PRKN: variants seen among roughly 807,000 people sequenced by gnomAD.
PRKN encodes the protein E3 ubiquitin-protein ligase parkin.
Under a neutral mutation model 59.5 loss-of-function variants are expected in PRKN, and 56 were observed. The observed-to-expected ratio is 0.94, with a 90% confidence interval of 0.76 to 1.18. The LOEUF (loss-of-function observed/expected upper bound fraction) is 1.18. PRKN is among the 50% of genes most tolerant of loss of function. The pLI is 0.00. For synonymous variants in PRKN, 250 were observed against 222.1 expected (o/e 1.13, Z -1.12); for missense variants, 657 against 596.4 (o/e 1.10, Z -1.06).
intron 6 of PRKN, among the ~76,000 whole-genome samples, chr6:161,939,347 G>A (rs544302062): frequency 2.7e-5 from 4 of 150,334 alleles, no homozygotes; most frequent in East Asian, 3.9e-4. Context: ...GAGCCTGGGC[G>A]GTGGAGGTTG....
intron 9 of PRKN, among the ~76,000 whole-genome samples, chr6:161,403,378 GA>G (rs1355181077): frequency 6.6e-6 from 1 of 152,102 alleles, no homozygotes; most frequent in Non-Finnish European, 1.5e-5. Context: ...CTTATTCTTT[GA>G]AATCCCATCT....
At chr6:162,109,526 T>C (rs1780333867) in intron 4 of PRKN, among the ~76,000 whole-genome samples, 1 of 152,188 alleles carries the variant, frequency 6.6e-6, no homozygotes, top group Non-Finnish European at 1.5e-5. Context: ...CTTCGGACCC[T>C]GACCAAGGAA....
In PRKN at chr6:161,423,690, A is replaced by T. The variant is rs1583048553; in HGVS notation, c.1084-36813T>A. Among the ~76,000 whole-genome samples, 2 of 152,136 alleles carry T rather than the reference A, an allele frequency of 1.3e-5. No individual in the cohort carries two copies. Among genetic ancestry groups the T allele is most frequent in the African/African-American group, 4.8e-5 (2 of 41,426 alleles). ...ACTCTAGCTACAGCAGGGCCTTACCATGGCTCATTGTCCCACCAGTCCCTT... is the reference window on the plus strand; with the variant it reads ...ACTCTAGCTACAGCAGGGCCTTACCTTGGCTCATTGTCCCACCAGTCCCTT... On this transcript the variant is annotated intron_variant, in intron 9 of 11. Coordinates refer to ENST00000366898, the MANE Select transcript of PRKN (RefSeq NM_004562.3). The surrounding 1 kb of genome is among the most constrained non-coding windows in gnomAD (Gnocchi z 5.9).
At chr6:162,490,530 T>C (rs1223418768) in intron 1 of PRKN, among the ~76,000 whole-genome samples, 2 of 152,198 alleles carry the variant, frequency 1.3e-5, no homozygotes, top group African/African-American at 2.4e-5. Context: ...TTTTTTCCCA[T>C]AGTTTCCTGT....
At chr6:162,680,288 A>G (rs555613541) in intron 1 of PRKN, among the ~76,000 whole-genome samples, 17 of 150,968 alleles carry the variant, frequency 1.1e-4, no homozygotes, top group African/African-American at 3.6e-4. Flanking sequence ...TTAATTAAGC[A>G]TATATACTTA....
intron 6 of PRKN, among the ~76,000 whole-genome samples, chr6:161,904,606 C>A (rs1246996550): frequency 6.6e-6 from 1 of 152,174 alleles, no homozygotes; most frequent in African/African-American, 2.4e-5. Context: ...TAAGCCACTG[C>A]ACCCGACCTC....
At chr6:162,707,269 A>G (rs1371269726) in intron 1 of PRKN, among the ~76,000 whole-genome samples, 2 of 152,212 alleles carry the variant, frequency 1.3e-5, no homozygotes, top group African/African-American at 4.8e-5. Flanking sequence ...GCAAAAACTG[A>G]AAGTATTCAA....
At chr6:162,345,062 C>G (rs1784339593) in intron 2 of PRKN, among the ~76,000 whole-genome samples, 1 of 152,182 alleles carries the variant, frequency 6.6e-6, no homozygotes, top group South Asian at 2.1e-4. Flanking sequence ...TCTTTCTGTG[C>G]TCTCTTACTC....
At chr6:162,475,944 G>A (rs1474831282) in intron 1 of PRKN, among the ~76,000 whole-genome samples, 1 of 146,310 alleles carries the variant, frequency 6.8e-6, no homozygotes, top group Non-Finnish European at 1.5e-5. Context: ...TAGAGACAGG[G>A]TTTCACCATG....
intron 1 of PRKN, among the ~76,000 whole-genome samples, chr6:162,706,601 C>T (rs1778348970): frequency 6.6e-6 from 1 of 152,150 alleles, no homozygotes; most frequent in Non-Finnish European, 1.5e-5. Flanking sequence ...TCACTCTAAC[C>T]TTGGACAAGC....
rs186936607 is a variant in PRKN, at chr6:162,057,342, G to A, written c.535-3168C>T. On this transcript the variant is annotated intron_variant, in intron 4 of 11. Transcript: ENST00000366898. ...GTTATTCAGCTTGGACAATATAAAA[G>A]CAAAAACAGAAATGTGAGGACTTGG... Among the ~76,000 whole-genome samples, 80 of 152,224 alleles carry A rather than the reference G, an allele frequency of 5.3e-4. 1 individual carries two copies. The highest frequency in any genetic ancestry group is 1.0e-3 in the Non-Finnish European group (68 of 68,004).
At chr6:161,941,637 C>T (rs907615491) in intron 6 of PRKN, among the ~76,000 whole-genome samples, 1 of 152,156 alleles carries the variant, frequency 6.6e-6, no homozygotes, top group African/African-American at 2.4e-5. Context: ...ACTAAAAGAG[C>T]ACCCTGTAAC....
intron 3 of PRKN, among the ~76,000 whole-genome samples, chr6:162,213,020 T>A (rs1462146348): frequency 6.6e-6 from 1 of 152,192 alleles, no homozygotes; most frequent in South Asian, 2.1e-4. Flanking sequence ...TGTATGTCTT[T>A]ATGTGGTGCA....
intron 1 of PRKN, among the ~76,000 whole-genome samples, chr6:162,475,069 C>A (rs1315790774): frequency 6.6e-6 from 1 of 152,130 alleles, no homozygotes; most frequent in African/African-American, 2.4e-5. Context: ...TTCTGATATG[C>A]TTCACATAGA....
At chr6:162,401,848 G>C (rs1787809133) in intron 2 of PRKN, among the ~76,000 whole-genome samples, 1 of 152,128 alleles carries the variant, frequency 6.6e-6, no homozygotes. Context: ...ATTGAGTCAA[G>C]ACAGGAAATC....
intron 2 of PRKN, among the ~76,000 whole-genome samples, chr6:162,334,422 A>T (rs1202712863): frequency 2.6e-5 from 4 of 152,214 alleles, no homozygotes; most frequent in Non-Finnish European, 5.9e-5. Context: ...AGGGCCCATC[A>T]TGCTGAAATT....
chr6:162,592,880 G>A (rs1190149582), intron 1 of PRKN, among the ~76,000 whole-genome samples: 1 of 146,666 alleles, frequency 6.8e-6, no homozygotes, highest in Non-Finnish European at 1.5e-5. Flanking sequence ...GAAATGTAAT[G>A]CGATCTCAGA....
At chr6:162,271,705 A>AT in intron 2 of PRKN, among the ~76,000 whole-genome samples, 1 of 152,208 alleles carries the variant, frequency 6.6e-6, no homozygotes. Context: ...TCCCAGTGAT[A>AT]TTTTTTCACT....
intron 5 of PRKN, among the ~76,000 whole-genome samples, chr6:162,017,606 G>A (rs1299444321): frequency 6.6e-6 from 1 of 151,508 alleles, no homozygotes; most frequent in African/African-American, 2.4e-5. Context: ...AACATTTCAT[G>A]CGATCATTCT....
Sources: allele counts gnomAD v4.1 joint callset (sites outside exome capture counted in the v4.1 genomes callset), GRCh38; gene constraint gnomAD v4.1.1; non-coding constraint Gnocchi (gnomAD v3.1); transcripts MANE v1.5; gene names NCBI Gene and HGNC (gene_info 2026-07-23, HGNC 2026-07-21).